Variants in IKZF1 observed in about 807,000 individuals in gnomAD.
IKZF1 encodes IKAROS family zinc finger 1, also known as DNA-binding protein Ikaros.
A neutral mutation model predicts 51.7 loss-of-function variants in IKZF1; 10 were observed. The observed-to-expected ratio is 0.19, with a 90% CI of 0.12 to 0.33. The LOEUF is 0.33. Among genes scored for constraint, IKZF1 ranks in the 10% least tolerant of loss-of-function variants. The pLI, the probability that IKZF1 is intolerant of heterozygous loss-of-function variation, is 1.00. For synonymous variants in IKZF1, 280 were observed against 282.3 expected, an observed-to-expected ratio of 0.99 and a Z score of 0.08; for missense variants, 484 against 707.5, an observed-to-expected ratio of 0.68 and a Z score of 3.58.
intron 3 of IKZF1, among the ~76,000 whole-genome samples, chr7:50,350,765 G>A (rs574611862): frequency 5.3e-5 from 8 of 151,788 alleles, no homozygotes; most frequent in Non-Finnish European, 1.0e-4. Flanking sequence ...TAGATCTTTG[G>A]TATGATTTGT....
chr7:50,358,473 G>T (rs1239441833), intron 3 of IKZF1, among the ~76,000 whole-genome samples: 1 of 152,216 alleles, frequency 6.6e-6, no homozygotes, highest in African/African-American at 2.4e-5. Context: ...CGGGGACCTG[G>T]CACCTTTGCT....
chr7:50,374,675 C>T (rs1809715855), intron 3 of IKZF1, among the ~76,000 whole-genome samples: 1 of 152,200 alleles, frequency 6.6e-6, no homozygotes, highest in Admixed American at 6.5e-5. Context: ...CATGCCCCAA[C>T]CACTATCCTC....
At chr7:50,356,861 C>A (rs780561667) in intron 3 of IKZF1, among the ~76,000 whole-genome samples, 2 of 152,012 alleles carry the variant, frequency 1.3e-5, no homozygotes, top group African/African-American at 4.8e-5. Context: ...TCCTGGAGAC[C>A]AGGGTGGGAC....
intron 1 of IKZF1, among the ~76,000 whole-genome samples, chr7:50,318,836 A>G (rs1204796689): frequency 1.3e-5 from 2 of 152,194 alleles, no homozygotes; most frequent in East Asian, 1.9e-4. Flanking sequence ...TGTGCTTGTA[A>G]TGATATTTTT....
intron 3 of IKZF1, among the ~76,000 whole-genome samples, chr7:50,352,104 T>C (rs1005102163): frequency 6.6e-6 from 1 of 152,252 alleles, no homozygotes; most frequent in Non-Finnish European, 1.5e-5. Context: ...GAAATTGACT[T>C]CTACAGTTTC....
rs745674438 is a variant in IKZF1 at position 50,400,544 on chromosome 7, A to C, written c.1477A>C (p.Asn493His). The C allele has an allele frequency of 1.9e-6, 3 of 1,614,062 alleles. No homozygotes were observed. The highest frequency in any genetic ancestry group is 2.5e-6 in the Non-Finnish European group (3 of 1,179,950). The change falls in exon 8 of 8, where the codon AAC (asparagine) becomes CAC (histidine). Residue 493 changes from asparagine to histidine, a missense_variant. This residue lies in a region of IKZF1 where 42 missense variants were observed against 84.4 expected (regional missense o/e 0.50). Coordinates refer to ENST00000331340, the MANE Select transcript of IKZF1 (RefSeq NM_006060.6). This position sits in a 1 kb window ranked among gnomAD's most constrained non-coding sequence, Gnocchi z 5.4. ...CGGCTTCCGTGATCCTTTTGAGTGC[A>C]ACATGTGCGGCTACCACAGCCAGGA... ...CHGFRDPFEC[N>H]MCGYHSQDRY...
chr7:50,363,731 G>A (rs933917547), intron 3 of IKZF1, among the ~76,000 whole-genome samples: 1 of 152,182 alleles, frequency 6.6e-6, no homozygotes, highest in South Asian at 2.1e-4. Flanking sequence ...TCCACAGAAG[G>A]TCTGAAAGGT....
At chr7:50,330,013 G>A (rs1164561327) in intron 3 of IKZF1, among the ~76,000 whole-genome samples, 3 of 152,152 alleles carry the variant, frequency 2.0e-5, no homozygotes, top group Admixed American at 2.0e-4. Flanking sequence ...TTGTTGGTGG[G>A]TTTTCCTGGG....
At chr7:50,358,399 G>A (rs12534526) in intron 3 of IKZF1, among the ~76,000 whole-genome samples, 48,270 of 152,148 alleles carry the variant, frequency 0.32, 8,127 homozygotes, top group Middle Eastern at 0.4. Context: ...GGCCAATCTC[G>A]CGTGAAGGCT....
At chr7:50,333,082 T>C (rs1369411403) in intron 3 of IKZF1, among the ~76,000 whole-genome samples, 1 of 141,428 alleles carries the variant, frequency 7.1e-6, no homozygotes, top group African/African-American at 2.9e-5. Context: ...CCTAGCCTAA[T>C]TGAAAAAAAA....
intron 3 of IKZF1, among the ~76,000 whole-genome samples, chr7:50,374,530 T>G (rs1260394049): frequency 6.6e-6 from 1 of 152,192 alleles, no homozygotes; most frequent in African/African-American, 2.4e-5. Context: ...AATAGGATAA[T>G]GATAGCACTT....
At chr7:50,365,832 G>C (rs1286237734) in intron 3 of IKZF1, among the ~76,000 whole-genome samples, 1 of 152,172 alleles carries the variant, frequency 6.6e-6, no homozygotes, top group African/African-American at 2.4e-5. Flanking sequence ...GCATTTGTTT[G>C]TTGCAGCACT....
chr7:50,356,893 A>C (rs916579179), intron 3 of IKZF1, among the ~76,000 whole-genome samples: 1 of 150,766 alleles, frequency 6.6e-6, no homozygotes, highest in Non-Finnish European at 1.5e-5. Flanking sequence ...ATATGGAGGG[A>C]AGGGCGGAAG....
Position 50,369,901 on chromosome 7 carries a change from A to G in IKZF1, c.161-6632A>G, listed in dbSNP as rs183917519. ...AATATACCCTAGTGGGACGAAAACA[A>G]CCTTCTACATTTTAAATGATATTAA... On this transcript the variant is annotated intron_variant, in intron 3 of 7. Transcript: ENST00000331340. 2.6e-3 allele frequency among the ~76,000 whole-genome samples: 390 copies of G among 152,364 alleles called. 11 individuals carry two copies. The highest frequency in any genetic ancestry group is 0.019 in the Admixed American group (294 of 15,304).
intron 6 of IKZF1, among the ~76,000 whole-genome samples, chr7:50,388,124 AG>A (rs1813966216): frequency 6.6e-6 from 1 of 152,204 alleles, no homozygotes; most frequent in South Asian, 2.1e-4. Context: ...ATGTGGAGAG[AG>A]TATTGAAAAA....
intron 3 of IKZF1, among the ~76,000 whole-genome samples, chr7:50,338,682 A>G (rs1457290470): frequency 6.6e-6 from 1 of 152,194 alleles, no homozygotes; most frequent in Non-Finnish European, 1.5e-5. Context: ...ATTGCCCCGG[A>G]AAGTTTCCAC....
At chr7:50,377,744 G>A (rs1296564733) in intron 4 of IKZF1, among the ~76,000 whole-genome samples, 1 of 152,228 alleles carries the variant, frequency 6.6e-6, no homozygotes. Flanking sequence ...GAATTGAAGA[G>A]AAACTTTTCT....
intron 2 of IKZF1, among the ~76,000 whole-genome samples, chr7:50,324,954 A>G (rs568679398): frequency 1.4e-4 from 21 of 152,168 alleles, no homozygotes; most frequent in African/African-American, 5.1e-4. Context: ...CTATAGGAGG[A>G]AAAGAGTCAA....
chr7:50,341,624 T>C (rs1212957752), intron 3 of IKZF1, among the ~76,000 whole-genome samples: 1 of 152,226 alleles, frequency 6.6e-6, no homozygotes, highest in Non-Finnish European at 1.5e-5. Flanking sequence ...AGCGTAGCAC[T>C]GTCCAAGGGG....
Sources: allele counts gnomAD v4.1 joint callset (sites outside exome capture counted in the v4.1 genomes callset), GRCh38; gene constraint gnomAD v4.1.1; regional missense constraint gnomAD v4.1.1; non-coding constraint Gnocchi (gnomAD v3.1); transcripts MANE v1.5; gene names NCBI Gene and HGNC (gene_info 2026-07-23, HGNC 2026-07-21).